Variants in EXOC2 observed in about 807,000 individuals in gnomAD.
EXOC2 encodes exocyst complex component 2.
EXOC2 carries 70 observed loss-of-function variants against 131.8 expected under a neutral mutation model. The observed-to-expected ratio is 0.53, with a 90% CI of 0.44 to 0.65. The LOEUF (loss-of-function observed/expected upper bound fraction) is 0.65. EXOC2 is among the 30% of genes least tolerant of loss of function. The pLI is 0.00. For missense variants in EXOC2, 923 were observed against 1,108.6 expected (o/e 0.83, Z 2.38); for synonymous variants, 411 against 398.4 (o/e 1.03, Z -0.38).
At chr6:658,667 T>TATATTTTTTATATATATATATATATATA (rs1561983437) in intron 1 of EXOC2, among the ~76,000 whole-genome samples, 1 of 65,202 alleles carries the variant, frequency 1.5e-5, no homozygotes, top group African/African-American at 5.0e-5. Context: ...ATATATATAT[T>TATATTTTTTATATATATATATATATATA]TTTTTTTTTT....
Position 556,497 on chromosome 6 carries a change from G to A in EXOC2, c.1919C>T (p.Pro640Leu), listed in dbSNP as rs61754482. 142 of 1,613,866 alleles carry A rather than the reference G, an allele frequency of 8.8e-5. 1 individual carries two copies. Among genetic ancestry groups the A allele is most frequent in the East Asian group, 4.0e-4 (18 of 44,900 alleles). ...TGGAATACTTACACTGGCCTCTCCC[G>A]GCTTGCACTCCAGAACCCCCTTCAG... is the stretch of plus-strand genomic sequence containing the variant. ...QSLKGVLECK[P>L]GEASVFQQPK... is the part of the protein sequence containing the mutation. The change falls in exon 18 of 28, where the codon CCG becomes CTG. Residue 640 changes from proline to leucine, a missense_variant. By Grantham distance (98) the Pro-to-Leu change is moderately conservative. Transcript: ENST00000230449.
chr6:650,326 TC>T (rs1365966074), intron 1 of EXOC2, among the ~76,000 whole-genome samples: 2 of 152,228 alleles, frequency 1.3e-5, no homozygotes, highest in African/African-American at 4.8e-5. Flanking sequence ...TTGGATGAGA[TC>T]AGCTCTAAGG....
At chr6:667,926 G>A (rs920183481) in intron 1 of EXOC2, among the ~76,000 whole-genome samples, 1 of 151,464 alleles carries the variant, frequency 6.6e-6, no homozygotes. Context: ...TCCATATCCT[G>A]TTGATTCTGT....
At chr6:557,883 C>A (rs1271920868) in intron 17 of EXOC2, among the ~76,000 whole-genome samples, 1 of 152,114 alleles carries the variant, frequency 6.6e-6, no homozygotes, top group Admixed American at 6.5e-5. Flanking sequence ...TCACAACCAA[C>A]AAACATGAGC....
chr6:616,485 C>G lies in EXOC2; in HGVS notation c.661+1226G>C, dbSNP rs985145632. 2.6e-5 allele frequency among the ~76,000 whole-genome samples: 4 copies of G among 151,062 alleles called. No individual in the cohort carries two copies. The South Asian group carries it at 6.3e-4, about 24-fold the overall frequency. On this transcript the variant is annotated intron_variant, in intron 6 of 27. Coordinates refer to ENST00000230449, the MANE Select transcript of EXOC2 (RefSeq NM_018303.6). Reference sequence around the variant, plus strand: ...GGGCGCAGTGGCGGGCGCCTGTAGTCCCAGCTCCTCGGGAGGCTGAGGCAG... The same window carrying G: ...GGGCGCAGTGGCGGGCGCCTGTAGTGCCAGCTCCTCGGGAGGCTGAGGCAG...
chr6:573,247 G>A (rs1240132954), intron 12 of EXOC2, among the ~76,000 whole-genome samples: 1 of 152,218 alleles, frequency 6.6e-6, no homozygotes. Context: ...CATAGCTATT[G>A]CTGTAACTGG....
intron 23 of EXOC2, among the ~76,000 whole-genome samples, chr6:515,692 G>A (rs111280996): frequency 4.1e-3 from 590 of 143,572 alleles, no homozygotes; most frequent in African/African-American, 0.016. Context: ...CAGAGTGACC[G>A]TAATCATACA....
chr6:573,709 A>T (rs933450363), intron 12 of EXOC2, among the ~76,000 whole-genome samples: 4 of 151,776 alleles, frequency 2.6e-5, no homozygotes, highest in Non-Finnish European at 5.9e-5. Flanking sequence ...AATTGTATTA[A>T]TAATTTATTA....
intron 5 of EXOC2, 41 bp downstream of exon 5, chr6:619,389 G>A: frequency 6.7e-7 from 1 of 1,489,458 alleles, no homozygotes; most frequent in Non-Finnish European, 9.4e-7. Flanking sequence ...TTTAGCATCT[G>A]AGTGAAACCC....
At position 499,681 on chromosome 6, in the gene EXOC2, T is replaced by C. The variant is rs1763934954; in HGVS notation, c.2400A>G (p.Lys800=). The change falls in exon 24 of 28, where the codon AAA becomes AAG. Residue 800 remains lysine (K), a synonymous_variant. Transcript: ENST00000230449. ...CGGCAATTATATTCACCAGTGCTTC[T>C]TTTAAATAGTTTCTGACACCTGAAA... The part of the protein sequence containing the change: ...LPPTGVRNYL[K]EALVNIIAVH... 1 of 1,613,868 alleles carries C rather than the reference T, an allele frequency of 6.2e-7. No homozygotes were observed. Among genetic ancestry groups the C allele is most frequent in the Non-Finnish European group, 8.5e-7 (1 of 1,179,796 alleles).
chr6:623,073 C>A (rs1026487504), intron 4 of EXOC2, among the ~76,000 whole-genome samples: 1 of 152,224 alleles, frequency 6.6e-6, no homozygotes, highest in Non-Finnish European at 1.5e-5. Flanking sequence ...AGCAGTGGGG[C>A]CCCTGGCCAG....
chr6:564,541 TC>T lies in EXOC2; in HGVS notation c.1667+3del. The T allele has an allele frequency of 1.2e-6, 2 of 1,614,138 alleles. No individual in the cohort carries two copies. Among genetic ancestry groups the T allele is most frequent in the Non-Finnish European group, 1.7e-6 (2 of 1,180,040 alleles). Reference sequence around the variant, plus strand: ...CCTTTCTCTGAGAATGTGTCCATACTCACCTTACAGTCTGGATGGCGTGAGC... The same window carrying T: ...CCTTTCTCTGAGAATGTGTCCATACTACCTTACAGTCTGGATGGCGTGAGC... On this transcript the variant is annotated splice_donor_region_variant and intron_variant, in intron 15 of 27. Transcript: ENST00000230449.
At chr6:656,142 T>C in intron 1 of EXOC2, 1 of 1,613,324 alleles carries the variant, frequency 6.2e-7, no homozygotes, top group Non-Finnish European at 8.5e-7. Context: ...AAGAGAGACA[T>C]CTTCTTGAAC....
intron 7 of EXOC2, among the ~76,000 whole-genome samples, chr6:609,593 C>T (rs1343533178): frequency 1.3e-5 from 2 of 152,176 alleles, no homozygotes; most frequent in Non-Finnish European, 2.9e-5. Flanking sequence ...ATAATTTTTA[C>T]AAAATATCTC....
intron 1 of EXOC2, chr6:656,078 T>A (rs1344445843): frequency 6.5e-7 from 1 of 1,540,612 alleles, no homozygotes; most frequent in Admixed American, 1.8e-5. Context: ...GATCAAAACC[T>A]TAAAAAAAAA....
intron 6 of EXOC2, among the ~76,000 whole-genome samples, chr6:616,862 C>T (rs938266566): frequency 6.6e-6 from 1 of 151,720 alleles, no homozygotes; most frequent in Non-Finnish European, 1.5e-5. Context: ...CCAGCCTCAG[C>T]CTCCCAAGGA....
chr6:657,154 C>T (rs997315612), intron 1 of EXOC2: 1 of 408,892 alleles, frequency 2.4e-6, no homozygotes, highest in Non-Finnish European at 4.3e-6. Context: ...TCCCAACGCC[C>T]GTTCTCACCT....
At chr6:529,848 C>T (rs993822195) in intron 23 of EXOC2, among the ~76,000 whole-genome samples, 16 of 152,034 alleles carry the variant, frequency 1.1e-4, no homozygotes, top group African/African-American at 3.4e-4. Context: ...CAGTTAATGT[C>T]GTTACATGCT....
chr6:624,336 C>T (rs749091668), intron 4 of EXOC2, among the ~76,000 whole-genome samples: 35 of 152,216 alleles, frequency 2.3e-4, no homozygotes, highest in Middle Eastern at 3.4e-3. Flanking sequence ...TGTATAATCT[C>T]GAGAAGTTAT....
Sources: allele counts gnomAD v4.1 joint callset (sites outside exome capture counted in the v4.1 genomes callset), GRCh38; gene constraint gnomAD v4.1.1; transcripts MANE v1.5; gene names NCBI Gene and HGNC (gene_info 2026-07-23, HGNC 2026-07-21).